The following TEAD1 variants were observed in gnomAD, a reference collection of about 807,000 sequenced individuals.
TEAD1 encodes TEA domain transcription factor 1.
Under a neutral mutation model 54.9 loss-of-function variants are expected in TEAD1, and 9 were observed. That is an observed-to-expected ratio of 0.16 (90% CI 0.10 to 0.29). TEAD1 has a LOEUF of 0.29. Among genes scored for constraint, TEAD1 ranks in the 10% least tolerant of loss-of-function variants. TEAD1 has a pLI of 1.00. For missense variants in TEAD1, 387 were observed against 535.9 expected, an observed-to-expected ratio of 0.72 and a Z score of 2.74; for synonymous variants, 200 against 187.8, an observed-to-expected ratio of 1.07 and a Z score of -0.53.
chr11:12,758,848 G>A (rs952662090), intron 2 of TEAD1, among the ~76,000 whole-genome samples: 1 of 152,124 alleles, frequency 6.6e-6, no homozygotes, highest in Non-Finnish European at 1.5e-5. Flanking sequence ...TCTGTTATAG[G>A]TAAAGTCTGT....
intron 3 of TEAD1, among the ~76,000 whole-genome samples, chr11:12,789,533 A>G (rs79278166): frequency 0.01 from 1,593 of 152,314 alleles, 28 homozygotes; most frequent in African/African-American, 0.037. Flanking sequence ...GAATACCTTG[A>G]GAGAGGGAGC....
At chr11:12,699,978 G>A (rs1372394942) in intron 2 of TEAD1, among the ~76,000 whole-genome samples, 1 of 152,172 alleles carries the variant, frequency 6.6e-6, no homozygotes, top group African/African-American at 2.4e-5. Context: ...TGAAAGTGGA[G>A]ACTGATGACC....
At chr11:12,852,835 TACA>T (rs1044414922) in intron 3 of TEAD1, among the ~76,000 whole-genome samples, 1 of 152,160 alleles carries the variant, frequency 6.6e-6, no homozygotes, top group Non-Finnish European at 1.5e-5. Flanking sequence ...TGTAGTCTGT[TACA>T]CAGGGAACTC....
chr11:12,915,776 C>G (rs1026360473), intron 10 of TEAD1, among the ~76,000 whole-genome samples: 1 of 152,088 alleles, frequency 6.6e-6, no homozygotes, highest in Non-Finnish European at 1.5e-5. Context: ...CCCAGAAGGT[C>G]GAGGTTGCAG....
intron 8 of TEAD1, among the ~76,000 whole-genome samples, chr11:12,882,680 T>C (rs1589955549): frequency 6.6e-6 from 1 of 152,186 alleles, no homozygotes; most frequent in Admixed American, 6.5e-5. Flanking sequence ...TTTGGAAGCA[T>C]TCACTTCTCA....
intron 10 of TEAD1, among the ~76,000 whole-genome samples, chr11:12,912,591 G>A (rs1237471333): frequency 2.0e-5 from 3 of 152,074 alleles, no homozygotes; most frequent in African/African-American, 7.2e-5. Flanking sequence ...GGTCACAGGG[G>A]CATTCACTTC....
intron 2 of TEAD1, among the ~76,000 whole-genome samples, chr11:12,684,396 G>C (rs1943289296): frequency 6.6e-6 from 1 of 152,136 alleles, no homozygotes; most frequent in Non-Finnish European, 1.5e-5. Context: ...CATTGGGGTT[G>C]GGTTGTAAAA....
At chr11:12,797,375 T>C (rs1044134592) in intron 3 of TEAD1, among the ~76,000 whole-genome samples, 1 of 152,176 alleles carries the variant, frequency 6.6e-6, no homozygotes, top group African/African-American at 2.4e-5. Context: ...AGCATGCATT[T>C]GGTCCTCAGA....
intron 2 of TEAD1, among the ~76,000 whole-genome samples, chr11:12,738,600 G>C (rs373343660): frequency 6.6e-6 from 1 of 150,954 alleles, no homozygotes; most frequent in Non-Finnish European, 1.5e-5. Context: ...TCCACATATA[G>C]GATCTCCCTT....
intron 3 of TEAD1, among the ~76,000 whole-genome samples, chr11:12,783,829 G>C (rs1225505084): frequency 6.6e-6 from 1 of 152,178 alleles, no homozygotes; most frequent in Admixed American, 6.5e-5. Context: ...ATGGAGTGTG[G>C]GGTGGCTTGT....
chr11:12,853,571 C>T (rs1043887656), intron 3 of TEAD1, among the ~76,000 whole-genome samples: 1 of 152,092 alleles, frequency 6.6e-6, no homozygotes, highest in Admixed American at 6.6e-5. Flanking sequence ...AGAGAATGAG[C>T]CACTAAGAAA....
chr11:12,693,208 G>A (rs1943500345), intron 2 of TEAD1, among the ~76,000 whole-genome samples: 1 of 152,268 alleles, frequency 6.6e-6, no homozygotes, highest in African/African-American at 2.4e-5. Flanking sequence ...GTCCTGGGCT[G>A]TGTGCACATG....
intron 10 of TEAD1, chr11:12,904,949 C>T (rs1417796238): frequency 7.8e-6 from 2 of 256,266 alleles, no homozygotes; most frequent in Non-Finnish European, 1.6e-5. Context: ...TCTGGTACAT[C>T]AATAATTTAT....
chr11:12,815,108 G>T (rs1946389043), intron 3 of TEAD1, among the ~76,000 whole-genome samples: 1 of 152,142 alleles, frequency 6.6e-6, no homozygotes. Context: ...TTTGTTTATA[G>T]ATAAGGGTAG....
intron 3 of TEAD1, among the ~76,000 whole-genome samples, chr11:12,850,804 G>C (rs1388927476): frequency 6.6e-6 from 1 of 152,168 alleles, no homozygotes; most frequent in African/African-American, 2.4e-5. Context: ...TCATTAATAA[G>C]ACTTTCTTGG....
At chr11:12,702,510 A>G (rs1244052978) in intron 2 of TEAD1, among the ~76,000 whole-genome samples, 2 of 152,134 alleles carry the variant, frequency 1.3e-5, no homozygotes, top group Admixed American at 1.3e-4. Context: ...CGTTAGCCCC[A>G]TTTTAGAGAT....
chr11:12,881,938 G>A lies in TEAD1; in HGVS notation c.555G>A (p.Ala185=), dbSNP rs73409223. 1,421 of 1,614,164 alleles carry A rather than the reference G, an allele frequency of 8.8e-4. 7 individuals are homozygous for A. The African/African-American group carries it at 0.014, about 15-fold the overall frequency. The change falls in exon 8 of 13, where the codon GCG becomes GCA. Residue 185 remains alanine, a synonymous_variant. Coordinates refer to ENST00000527636, the MANE Select transcript of TEAD1 (RefSeq NM_021961.6). Reference sequence around the variant, plus strand: ...AGCAGGCCTACCCCATCCAGCCAGCGGTCACAGCCCCCATTCCAGGTGAGT... The same window carrying A: ...AGCAGGCCTACCCCATCCAGCCAGCAGTCACAGCCCCCATTCCAGGTGAGT...
chr11:12,743,625 T>A (rs1590106202), intron 2 of TEAD1, among the ~76,000 whole-genome samples: 1 of 152,334 alleles, frequency 6.6e-6, no homozygotes, highest in African/African-American at 2.4e-5. Flanking sequence ...ACTGTTAATT[T>A]TTGGTTTCAC....
chr11:12,870,426 G>A (rs538897096), intron 5 of TEAD1, among the ~76,000 whole-genome samples: 1 of 152,006 alleles, frequency 6.6e-6, no homozygotes, highest in South Asian at 2.1e-4. Context: ...TAGAGACAAA[G>A]CGTCAGTAGA....
Sources: allele counts gnomAD v4.1 joint callset (sites outside exome capture counted in the v4.1 genomes callset), GRCh38; gene constraint gnomAD v4.1.1; transcripts MANE v1.5; gene names NCBI Gene and HGNC (gene_info 2026-07-23, HGNC 2026-07-21).